Variants in DOCK1 observed in about 807,000 individuals in gnomAD.
DOCK1 encodes dedicator of cytokinesis 1, also known as dedicator of cytokinesis protein 1.
Under a neutral mutation model 262.7 loss-of-function variants are expected in DOCK1, and 138 were observed. That is an observed-to-expected ratio of 0.53 (90% CI 0.46 to 0.61). The LOEUF is 0.61. Among genes scored for constraint, DOCK1 ranks in the 20% least tolerant of loss-of-function variants. DOCK1 has a pLI of 0.00. For synonymous variants in DOCK1, 866 were observed against 867.4 expected, an observed-to-expected ratio of 1.00 and a Z score of 0.03; for missense variants, 1,908 against 2,370.7, an observed-to-expected ratio of 0.80 and a Z score of 4.05.
chr10:127,253,247 C>A (rs1459276050), intron 28 of DOCK1, among the ~76,000 whole-genome samples: 2 of 152,198 alleles, frequency 1.3e-5, no homozygotes, highest in African/African-American at 4.8e-5. Flanking sequence ...TAGAAGGGAA[C>A]AATGACGGCT....
At chr10:127,203,041 A>G (rs563475901) in intron 27 of DOCK1, among the ~76,000 whole-genome samples, 1 of 152,212 alleles carries the variant, frequency 6.6e-6, no homozygotes, top group Non-Finnish European at 1.5e-5. Flanking sequence ...TGAAATAAAA[A>G]CAGGCACTGA....
intron 27 of DOCK1, among the ~76,000 whole-genome samples, chr10:127,204,616 T>A (rs1486318694): frequency 6.6e-6 from 1 of 151,998 alleles, no homozygotes; most frequent in African/African-American, 2.4e-5. Context: ...GAGATGGGCG[T>A]TTGGAAACTG....
intron 29 of DOCK1, among the ~76,000 whole-genome samples, chr10:127,290,725 C>A (rs989243327): frequency 3.9e-5 from 6 of 152,298 alleles, no homozygotes; most frequent in African/African-American, 1.4e-4. Context: ...GCATAATTCC[C>A]TTGAGGTCCA....
chr10:127,266,502 C>CACACACACACACAT (rs2060362319), intron 29 of DOCK1, among the ~76,000 whole-genome samples: 1 of 151,904 alleles, frequency 6.6e-6, no homozygotes, highest in Non-Finnish European at 1.5e-5. Flanking sequence ...CACACACACA[C>CACACACACACACAT]ACACATATAT....
In DOCK1 at chr10:126,977,972, G is replaced by A. The variant is rs757172365; in HGVS notation, c.155G>A (p.Arg52Gln). 5 of 1,613,630 alleles carry A rather than the reference G, an allele frequency of 3.1e-6. No homozygotes were observed. Among genetic ancestry groups the A allele is most frequent in the African/African-American group, 1.3e-5 (1 of 74,874 alleles). Residue 52 changes from arginine to glutamine, a missense_variant, in exon 3 of 52, where the codon CGA (arginine) becomes CAA (glutamine). Arg to Gln is a conservative substitution (Grantham distance 43). This residue lies in a region of DOCK1 where 227 missense variants were observed against 254.1 expected (regional missense o/e 0.89). Transcript: ENST00000623213. ...YEGWYRGYTLRKKSKKGIFPA... is the reference protein window; with the variant it reads ...YEGWYRGYTLQKKSKKGIFPA... ...GGGTGGTACCGAGGTTACACGTTAC[G>A]AAAAAAGTCTAAGAAGGTAAGTCCT...
intron 45 of DOCK1, 66 bp from the exon 46 acceptor site, chr10:127,419,600 A>G (rs1242105083): frequency 3.5e-6 from 5 of 1,416,164 alleles, no homozygotes; most frequent in East Asian, 2.5e-5. Context: ...CCTGGCACAC[A>G]GTAAGTGTGC....
At chr10:127,068,595 CA>C (rs2046014753) in intron 23 of DOCK1, among the ~76,000 whole-genome samples, 1 of 152,122 alleles carries the variant, frequency 6.6e-6, no homozygotes, top group Non-Finnish European at 1.5e-5. Context: ...AGAAAAATGC[CA>C]AAAAGTTAAT....
At chr10:127,152,146 C>T (rs2052559307) in intron 27 of DOCK1, among the ~76,000 whole-genome samples, 2 of 152,194 alleles carry the variant, frequency 1.3e-5, no homozygotes, top group Non-Finnish European at 1.5e-5. Flanking sequence ...TGAGCTTTAG[C>T]TTCCAAACTA....
chr10:126,950,948 ATGG>A lies in DOCK1; in HGVS notation c.47-19743_47-19741del, dbSNP rs1195772154. On this transcript the variant is annotated intron_variant, in intron 1 of 51. Transcript: ENST00000623213. ...GTTGGTAGTATTGCTGTTGGCGGTG[ATGG>A]TGGTGGTGGTAACATTGCTGGCGGT... Among the ~76,000 whole-genome samples, 11 of 151,782 alleles carry A rather than the reference ATGG, an allele frequency of 7.2e-5. 1 individual carries two copies. The highest frequency in any genetic ancestry group is 3.9e-4 in the East Asian group (2 of 5,152).
chr10:127,345,485 C>T (rs142721034), intron 31 of DOCK1, among the ~76,000 whole-genome samples: 1 of 152,280 alleles, frequency 6.6e-6, no homozygotes, highest in African/African-American at 2.4e-5. Flanking sequence ...TTGGTCTGCA[C>T]CTATCTAAGT....
At position 127,175,466 on chromosome 10, in the gene DOCK1, C is replaced by T. The variant is rs373397161; in HGVS notation, c.2847+47702C>T. 18 of 1,610,226 alleles carry T rather than the reference C, an allele frequency of 1.1e-5. No homozygotes were observed. The highest frequency in any genetic ancestry group is 1.6e-4 in the Middle Eastern group (1 of 6,062). ...TACATTCGGGGGACAGGCACTGCAT[C>T]GGGGGTGAGCAGGCCAGGGCAGTTT... On this transcript the variant is annotated intron_variant, in intron 27 of 51. Coordinates refer to ENST00000623213, the MANE Select transcript of DOCK1 (RefSeq NM_001290223.2). This position sits in a 1 kb window ranked among gnomAD's most constrained non-coding sequence, Gnocchi z 6.3.
intron 23 of DOCK1, among the ~76,000 whole-genome samples, chr10:127,075,791 G>T (rs58391545): frequency 6.6e-6 from 1 of 152,142 alleles, no homozygotes; most frequent in East Asian, 1.9e-4. Context: ...CACCCGACAC[G>T]TGGGGATTAC....
chr10:127,335,467 A>G (rs1421643995), intron 29 of DOCK1, among the ~76,000 whole-genome samples: 1 of 152,206 alleles, frequency 6.6e-6, no homozygotes, highest in East Asian at 1.9e-4. Flanking sequence ...GCGGATTGGT[A>G]TGCAAAAGCT....
intron 27 of DOCK1, among the ~76,000 whole-genome samples, chr10:127,197,396 G>A (rs1017666772): frequency 2.0e-5 from 3 of 152,122 alleles, no homozygotes; most frequent in African/African-American, 7.2e-5. Flanking sequence ...CCACCAAAGA[G>A]TATTGGGTGT....
At chr10:127,186,507 G>GCCCCCCT (rs2056258513) in intron 27 of DOCK1, among the ~76,000 whole-genome samples, 1 of 5,912 alleles carries the variant, frequency 1.7e-4, no homozygotes, top group Non-Finnish European at 5.3e-4. Flanking sequence ...GGGAGAAACC[G>GCCCCCCT]CCCCCCCGCC....
chr10:127,374,272 G>A (rs536023668), intron 35 of DOCK1, 58 bp downstream of exon 35: 124 of 1,543,824 alleles, frequency 8.0e-5, no homozygotes, highest in Admixed American at 1.6e-4. Context: ...AAACTGAAGC[G>A]GGGATTGCCC....
intron 23 of DOCK1, among the ~76,000 whole-genome samples, chr10:127,064,376 G>C: frequency 6.6e-6 from 1 of 152,182 alleles, no homozygotes; most frequent in Non-Finnish European, 1.5e-5. Flanking sequence ...GGGGTTTTAC[G>C]CCTCATTGAA....
chr10:127,019,568 G>A (rs933915287), intron 13 of DOCK1, among the ~76,000 whole-genome samples: 3 of 152,054 alleles, frequency 2.0e-5, no homozygotes, highest in Non-Finnish European at 4.4e-5. Context: ...GGAACATGGC[G>A]AAACCCCGTC....
chr10:126,917,869 C>A (rs898816080), intron 1 of DOCK1, among the ~76,000 whole-genome samples: 1 of 152,120 alleles, frequency 6.6e-6, no homozygotes, highest in African/African-American at 2.4e-5. Context: ...CTCCCCCAGG[C>A]GCATAAAGCT....
Sources: gnomAD v4.1 joint callset for allele counts (sites outside exome capture counted in the v4.1 genomes callset) on GRCh38, gnomAD v4.1.1 for gene constraint, gnomAD v4.1.1 regional missense constraint, Gnocchi (gnomAD v3.1) non-coding constraint, MANE v1.5 for transcripts, NCBI Gene and HGNC (gene_info 2026-07-23, HGNC 2026-07-21) for gene names.